GYPC: variants seen among roughly 807,000 people sequenced by gnomAD.
GYPC encodes glycophorin C (Gerbich blood group).
GYPC carries 14 observed loss-of-function variants against 12.6 expected under a neutral mutation model. That is an observed-to-expected ratio of 1.11 (90% confidence interval 0.74 to 1.74). The LOEUF (loss-of-function observed/expected upper bound fraction) is 1.74. Among genes scored for constraint, GYPC ranks in the 40% most tolerant of loss-of-function variants. GYPC has a pLI of 0.00. For synonymous variants in GYPC, 78 were observed against 62.1 expected (o/e 1.26, Z -1.20); for missense variants, 225 against 172.1 (o/e 1.31, Z -1.72).
intron 2 of GYPC, 136 bp from the exon 3 acceptor site, chr2:126,693,728 G>T (rs545904018): frequency 1.4e-6 from 1 of 738,970 alleles, no homozygotes; most frequent in Non-Finnish European, 2.5e-6. Context: ...CAGTGGGTGC[G>T]CCGCACTGCT....
chr2:126,667,000 T>G (rs1386424939), intron 1 of GYPC, among the ~76,000 whole-genome samples: 1 of 152,200 alleles, frequency 6.6e-6, no homozygotes, highest in East Asian at 1.9e-4. Flanking sequence ...CACATGCTTT[T>G]GAAACTTTTT....
intron 1 of GYPC, among the ~76,000 whole-genome samples, chr2:126,669,933 A>T (rs1365666611): frequency 6.6e-6 from 1 of 152,122 alleles, no homozygotes; most frequent in South Asian, 2.1e-4. Flanking sequence ...AGGCACAATT[A>T]TCTGAGTTTC....
chr2:126,683,767 A>G (rs1683212735), intron 1 of GYPC, among the ~76,000 whole-genome samples: 1 of 152,228 alleles, frequency 6.6e-6, no homozygotes, highest in African/African-American at 2.4e-5. Flanking sequence ...ACATCCCAAA[A>G]GCAAGTGACT....
intron 1 of GYPC, among the ~76,000 whole-genome samples, chr2:126,662,172 C>T (rs541442779): frequency 7.2e-5 from 11 of 152,164 alleles, no homozygotes; most frequent in Non-Finnish European, 1.3e-4. Flanking sequence ...ATTCTCAGCA[C>T]AGTCTTAAAA....
chr2:126,678,038 G>A (rs548122446), intron 1 of GYPC, among the ~76,000 whole-genome samples: 129 of 152,240 alleles, frequency 8.5e-4, no homozygotes, highest in Admixed American at 1.0e-3. Context: ...TGGCTAACAC[G>A]GTGAAACCCC....
At chr2:126,685,984 T>C in intron 1 of GYPC, 1 of 985,234 alleles carries the variant, frequency 1.0e-6, no homozygotes, top group Non-Finnish European at 1.2e-6. Flanking sequence ...GCCTGAATTC[T>C]TCCTTCTTTG....
At chr2:126,694,116 A>T (rs1683567452) in intron 3 of GYPC, among the ~76,000 whole-genome samples, 169 bp downstream of exon 3, 1 of 152,068 alleles carries the variant, frequency 6.6e-6, no homozygotes, top group Non-Finnish European at 1.5e-5. Flanking sequence ...CTGGGTAAAT[A>T]TATATATACA....
At position 126,662,311 on chromosome 2, in the gene GYPC, G is replaced by A. The variant is rs548345771; in HGVS notation, c.49+5999G>A. Among the ~76,000 whole-genome samples the A allele has an allele frequency of 2.8e-4, 42 of 152,284 alleles. 1 individual carries two copies. The highest frequency in any genetic ancestry group is 8.7e-4 in the African/African-American group (36 of 41,562). On this transcript the variant is annotated intron_variant, in intron 1 of 3. Transcript: ENST00000259254. ...CCCATTGGATATGAAATCCACTTTC[G>A]CTTGAGAAACTCATCCAGTGCTCTT... is the stretch of plus-strand genomic sequence containing the variant.
At chr2:126,668,799 G>A (rs1217425051) in intron 1 of GYPC, among the ~76,000 whole-genome samples, 1 of 152,234 alleles carries the variant, frequency 6.6e-6, no homozygotes, top group Non-Finnish European at 1.5e-5. Flanking sequence ...ATTGAGAGGG[G>A]ACAAAGGTGT....
intron 1 of GYPC, among the ~76,000 whole-genome samples, chr2:126,679,051 G>A (rs1459610441): frequency 6.6e-6 from 1 of 152,212 alleles, no homozygotes; most frequent in Non-Finnish European, 1.5e-5. Flanking sequence ...AGGACATTTA[G>A]TCATGTAATT....
intron 1 of GYPC, among the ~76,000 whole-genome samples, chr2:126,685,592 T>C (rs1683265256): frequency 1.3e-5 from 2 of 152,030 alleles, no homozygotes. Flanking sequence ...ACCATGTTGG[T>C]CAGGCTGGTC....
intron 1 of GYPC, among the ~76,000 whole-genome samples, chr2:126,670,884 T>G (rs991378092): frequency 2.0e-5 from 3 of 152,156 alleles, no homozygotes; most frequent in Admixed American, 6.5e-5. Context: ...GCTGCTTCCC[T>G]GCTACAATAG....
intron 1 of GYPC, among the ~76,000 whole-genome samples, chr2:126,688,108 T>A (rs1683342844): frequency 6.6e-6 from 1 of 152,162 alleles, no homozygotes; most frequent in South Asian, 2.1e-4. Flanking sequence ...AAGGTCTGAG[T>A]TAAAATACAT....
chr2:126,695,881 G>T, intron 3 of GYPC, 65 bp from the exon 4 acceptor site: 2 of 1,311,976 alleles, frequency 1.5e-6, no homozygotes, highest in South Asian at 1.2e-5. Flanking sequence ...TGTGGGTCTT[G>T]ACCACCATCC....
At chr2:126,691,291 C>T (rs891746722) in intron 2 of GYPC, among the ~76,000 whole-genome samples, 2 of 152,142 alleles carry the variant, frequency 1.3e-5, no homozygotes, top group Non-Finnish European at 2.9e-5. Context: ...GACTGCTGCC[C>T]CCTCACTCTC....
intron 1 of GYPC, among the ~76,000 whole-genome samples, chr2:126,681,632 T>C (rs1468637961): frequency 6.6e-6 from 1 of 152,084 alleles, no homozygotes; most frequent in East Asian, 1.9e-4. Context: ...GCCTGACCTA[T>C]GTCAGGCACT....
At chr2:126,668,401 C>T (rs1286749523) in intron 1 of GYPC, among the ~76,000 whole-genome samples, 1 of 152,154 alleles carries the variant, frequency 6.6e-6, no homozygotes, top group South Asian at 2.1e-4. Context: ...GAGCAGTTAA[C>T]TGATGCTCGG....
intron 1 of GYPC, chr2:126,675,677 C>CA (rs1427897270): frequency 2.0e-6 from 2 of 985,066 alleles, no homozygotes; most frequent in Non-Finnish European, 2.4e-6. Context: ...GGCTGTTCGT[C>CA]ACTACCCGAG....
chr2:126,686,229 C>T (rs1364137147), intron 1 of GYPC: 1 of 985,370 alleles, frequency 1.0e-6, no homozygotes, highest in African/African-American at 1.7e-5. Context: ...TGCTCTCCGT[C>T]CACATCTGAA....
Sources: allele counts gnomAD v4.1 joint callset (sites outside exome capture counted in the v4.1 genomes callset), GRCh38; gene constraint gnomAD v4.1.1; transcripts MANE v1.5; gene names NCBI Gene and HGNC (gene_info 2026-07-23, HGNC 2026-07-21).